SHQ1: variants seen among roughly 807,000 people sequenced by gnomAD.
The protein encoded by SHQ1 is SHQ1, H/ACA ribonucleoprotein assembly factor.
Under a neutral mutation model 53.8 loss-of-function variants are expected in SHQ1, and 49 were observed. The ratio of observed to expected loss-of-function variants is 0.91; its 90% CI spans 0.72 to 1.16. SHQ1 has a LOEUF of 1.16. SHQ1 is among the 50% of genes most tolerant of loss of function. The probability of loss-of-function intolerance (pLI) is 0.00; values close to 1 mark genes in which losing one functional copy is unlikely to be tolerated. For missense variants in SHQ1, 738 were observed against 683.1 expected (o/e 1.08, Z -0.90); for synonymous variants, 243 against 251.0 (o/e 0.97, Z 0.30).
chr3:72,751,508 G>GTGTGTGTGTGTGTATATATATATATATA (rs1210782182), intron 10 of SHQ1, among the ~76,000 whole-genome samples: 6 of 116,980 alleles, frequency 5.1e-5, no homozygotes, highest in African/African-American at 2.7e-4. Context: ...GTGTGTGTGT[G>GTGTGTGTGTGTGTATATATATATATATA]TATATATATA....
intron 10 of SHQ1, among the ~76,000 whole-genome samples, chr3:72,756,086 A>G (rs1237847501): frequency 6.6e-6 from 1 of 151,956 alleles, no homozygotes; most frequent in Non-Finnish European, 1.5e-5. Context: ...TTTTGTAAAG[A>G]CAGGTTCTCC....
the SHQ1 span, among the ~76,000 whole-genome samples, chr3:72,743,442 C>T: frequency 6.6e-6 from 1 of 152,118 alleles, no homozygotes; most frequent in African/African-American, 2.4e-5. Flanking sequence ...AAAGATTGAA[C>T]ATATGTGCCA....
chr3:72,804,578 C>T (rs1706883411), intron 9 of SHQ1, among the ~76,000 whole-genome samples: 1 of 152,168 alleles, frequency 6.6e-6, no homozygotes, highest in South Asian at 2.1e-4. Context: ...TCATAAATAT[C>T]CTTGTAACTC....
rs143277819 is a variant in SHQ1 at position 72,796,239 on chromosome 3, C to A, written c.1061-3203G>T. 5.5e-3 allele frequency among the ~76,000 whole-genome samples: 831 copies of A among 150,618 alleles called. 30 individuals are homozygous for A. Among genetic ancestry groups the A allele is most frequent in the Admixed American group, 0.049 (738 of 15,134 alleles). ...GAGTTTGGTAGAAATCAGACACTAA[C>A]AAGGAGGAAGAGAAGAATGCACTTG... On this transcript the variant is annotated intron_variant, in intron 9 of 10. Transcript: ENST00000325599.
chr3:72,787,762 C>T (rs1400995676), intron 10 of SHQ1, among the ~76,000 whole-genome samples: 2 of 151,052 alleles, frequency 1.3e-5, no homozygotes, highest in South Asian at 2.1e-4. Context: ...CCTCTGATGC[C>T]GAGCGGAGGC....
intron 10 of SHQ1, among the ~76,000 whole-genome samples, chr3:72,763,308 T>C (rs1705650407): frequency 1.3e-5 from 2 of 152,178 alleles, no homozygotes; most frequent in African/African-American, 2.4e-5. Context: ...TCTGACAACA[T>C]TCCTACATTT....
At chr3:72,737,143 T>C in the SHQ1 span, among the ~76,000 whole-genome samples, 1 of 151,870 alleles carries the variant, frequency 6.6e-6, no homozygotes, top group Non-Finnish European at 1.5e-5. Flanking sequence ...CCGGGTGTGC[T>C]GGGGTGCATC....
intron 10 of SHQ1, among the ~76,000 whole-genome samples, chr3:72,780,199 G>A (rs1706042974): frequency 6.6e-6 from 1 of 152,222 alleles, no homozygotes; most frequent in Non-Finnish European, 1.5e-5. Context: ...ATAAGGATAT[G>A]TAGTGCTGCC....
chr3:72,829,133 C>T (rs1707755791), intron 5 of SHQ1, among the ~76,000 whole-genome samples: 1 of 151,922 alleles, frequency 6.6e-6, no homozygotes, highest in Non-Finnish European at 1.5e-5. Context: ...AGATGAATCC[C>T]CGCTTTCTAA....
In SHQ1 at chr3:72,792,784, C is replaced by CAAAA. The variant is rs59948195; in HGVS notation, c.1181+128_1181+131dup. 2.3e-3 allele frequency: 598 copies of CAAAA among 258,626 alleles called. 1 individual carries two copies. Among genetic ancestry groups the CAAAA allele is most frequent in the South Asian group, 3.3e-3 (121 of 36,360 alleles). 16.0% of individuals were successfully genotyped at this position (258,626 alleles called of 1,614,324 possible). A position where few individuals can be genotyped will look rare whatever the true frequency, so the allele number is the denominator to read the frequency against. On this transcript the variant is annotated intron_variant, in intron 10 of 10. Coordinates refer to ENST00000325599, the MANE Select transcript of SHQ1 (RefSeq NM_018130.3). Reference sequence around the variant, plus strand: ...GGGTGACAAGGGCAAACCTCCATCTCAAAAAAAAAAAAAAAAAAAAAAAAA... The same window carrying CAAAA: ...GGGTGACAAGGGCAAACCTCCATCTCAAAAAAAAAAAAAAAAAAAAAAAAAAAAA...
chr3:72,785,792 T>C lies in SHQ1; in HGVS notation c.1181+7124A>G, dbSNP rs541854872. On this transcript the variant is annotated intron_variant, in intron 10 of 10. Transcript: ENST00000325599. ...TCCACTCCGATTATTATTATACTTA[T>C]AGGTAACACAGTACCATGTAACCAG... Among the ~76,000 whole-genome samples, 21 of 152,350 alleles carry C rather than the reference T, an allele frequency of 1.4e-4. 1 individual carries two copies. The South Asian group carries it at 3.1e-3, about 23-fold the overall frequency.
At chr3:72,797,717 G>A (rs976588875) in intron 9 of SHQ1, among the ~76,000 whole-genome samples, 1 of 152,196 alleles carries the variant, frequency 6.6e-6, no homozygotes, top group Admixed American at 6.5e-5. Context: ...ATATGGTAAA[G>A]ATAACCAGGC....
At chr3:72,830,243 C>T (rs987702343) in intron 5 of SHQ1, among the ~76,000 whole-genome samples, 1 of 152,006 alleles carries the variant, frequency 6.6e-6, no homozygotes, top group African/African-American at 2.4e-5. Flanking sequence ...CTGACTTCAC[C>T]GTGTTCTGCT....
Position 72,842,355 on chromosome 3 carries a change from C to G in SHQ1, c.256G>C (p.Glu86Gln). 1 of 1,613,914 alleles carries G rather than the reference C, an allele frequency of 6.2e-7. No homozygotes were observed. The highest frequency in any genetic ancestry group is 8.5e-7 in the Non-Finnish European group (1 of 1,179,886). Residue 86 changes from glutamate (E) to glutamine (Q), a missense_variant, in exon 3 of 11, where the codon GAG becomes CAG. By Grantham distance (29) the Glu-to-Gln change is conservative. Transcript: ENST00000325599. The part of the protein sequence containing the change: ...LPKETPGQHF[E>Q]GLNMLTALLA... ...AGAGCAGTTAACATGTTCAGCCCCT[C>G]AAAATGCTGGCCAGGGGTTTCTTTG...
intron 8 of SHQ1, among the ~76,000 whole-genome samples, 190 bp downstream of exon 8, chr3:72,815,160 C>A (rs1707271440): frequency 6.6e-6 from 1 of 152,064 alleles, no homozygotes; most frequent in Non-Finnish European, 1.5e-5. Flanking sequence ...GTTTCCCTCC[C>A]CCAGCTTCCA....
intron 9 of SHQ1, among the ~76,000 whole-genome samples, chr3:72,797,720 A>T (rs757113825): frequency 2.0e-5 from 3 of 152,236 alleles, no homozygotes; most frequent in Non-Finnish European, 4.4e-5. Context: ...TGGTAAAGAT[A>T]ACCAGGCTAC....
intron 5 of SHQ1, among the ~76,000 whole-genome samples, chr3:72,829,948 G>C (rs17010204): frequency 1.3e-5 from 2 of 151,890 alleles, no homozygotes; most frequent in South Asian, 2.1e-4. Flanking sequence ...ATAATAAGCA[G>C]TGAGGAATGA....
chr3:72,756,250 A>T (rs1404083931), intron 10 of SHQ1, among the ~76,000 whole-genome samples: 1 of 151,966 alleles, frequency 6.6e-6, no homozygotes, highest in Non-Finnish European at 1.5e-5. Context: ...TACTAGTTAT[A>T]GTATATGTTT....
chr3:72,774,116 T>A (rs953715327), intron 10 of SHQ1, among the ~76,000 whole-genome samples: 1 of 152,222 alleles, frequency 6.6e-6, no homozygotes, highest in Non-Finnish European at 1.5e-5. Flanking sequence ...TTATTAGTGA[T>A]ACATTTTAAC....
Sources: allele counts gnomAD v4.1 joint callset (sites outside exome capture counted in the v4.1 genomes callset), GRCh38; gene constraint gnomAD v4.1.1; transcripts MANE v1.5; gene names NCBI Gene and HGNC (gene_info 2026-07-23, HGNC 2026-07-21).